The following FRAS1 variants were observed in gnomAD, a reference collection of about 807,000 sequenced individuals.
FRAS1 encodes Fraser extracellular matrix complex subunit 1.
Under a neutral mutation model 435.2 loss-of-function variants are expected in FRAS1, and 290 were observed. That is an observed-to-expected ratio of 0.67 (90% confidence interval 0.61 to 0.73). The LOEUF (loss-of-function observed/expected upper bound fraction) is 0.73. Among genes scored for constraint, FRAS1 ranks in the 30% least tolerant of loss-of-function variants. FRAS1 has a pLI of 0.00. For missense variants in FRAS1, 4,860 were observed against 5,001.5 expected, an observed-to-expected ratio of 0.97 and a Z score of 0.85; for synonymous variants, 1,800 against 1,851.0, an observed-to-expected ratio of 0.97 and a Z score of 0.71.
Position 78,295,202 on chromosome 4 carries a change from G to T in FRAS1, c.1534+8663G>T, listed in dbSNP as rs371988660. 1.6e-3 allele frequency among the ~76,000 whole-genome samples: 250 copies of T among 152,240 alleles called. 2 individuals are homozygous for T. Among genetic ancestry groups the T allele is most frequent in the African/African-American group, 5.8e-3 (240 of 41,548 alleles). On this transcript the variant is annotated intron_variant, in intron 14 of 73. Transcript: ENST00000512123. ...AATTTTTTTAATTATATGTAACCAT[G>T]ATGTAAACATTTTTAGTAGAAATTG...
chr4:78,193,682 G>T (rs1232263809), intron 2 of FRAS1, among the ~76,000 whole-genome samples: 1 of 152,104 alleles, frequency 6.6e-6, no homozygotes, highest in Non-Finnish European at 1.5e-5. Flanking sequence ...CGTGAGATGG[G>T]TTACCTGAAT....
chr4:78,289,495 C>A (rs774630079), intron 14 of FRAS1, among the ~76,000 whole-genome samples: 5 of 152,086 alleles, frequency 3.3e-5, no homozygotes, highest in Non-Finnish European at 4.4e-5. Flanking sequence ...GAACCTAAAC[C>A]GGAGACAGAT....
chr4:78,294,341 A>T (rs1342877522), intron 14 of FRAS1, among the ~76,000 whole-genome samples: 2 of 152,198 alleles, frequency 1.3e-5, no homozygotes, highest in Non-Finnish European at 2.9e-5. Context: ...CATTTAATTA[A>T]CAGGGGCCAC....
chr4:78,424,146 G>A (rs1038464340), intron 34 of FRAS1, among the ~76,000 whole-genome samples: 2 of 152,116 alleles, frequency 1.3e-5, no homozygotes, highest in East Asian at 1.9e-4. Flanking sequence ...TATAAATCAC[G>A]CTAACTGCTG....
At chr4:78,087,391 TC>T (rs1484097884) in intron 2 of FRAS1, among the ~76,000 whole-genome samples, 1 of 152,008 alleles carries the variant, frequency 6.6e-6, no homozygotes, top group Non-Finnish European at 1.5e-5. Context: ...CTCTCACCAC[TC>T]CTATTCAACA....
intron 2 of FRAS1, among the ~76,000 whole-genome samples, chr4:78,127,276 G>A (rs1376649235): frequency 6.6e-6 from 1 of 152,172 alleles, no homozygotes; most frequent in African/African-American, 2.4e-5. Flanking sequence ...GGTAAGACAT[G>A]AGCCTAAAAC....
At chr4:78,331,246 A>G (rs755168368) in intron 18 of FRAS1, among the ~76,000 whole-genome samples, 13 of 152,252 alleles carry the variant, frequency 8.5e-5, no homozygotes, top group Non-Finnish European at 1.6e-4. Flanking sequence ...AAAGCTCTGT[A>G]GTATATCCGG....
Position 78,057,881 on chromosome 4 carries a change from C to A in FRAS1, c.-129C>A, listed in dbSNP as rs953155102. On this transcript the variant is annotated 5_prime_UTR_variant, in exon 1 of 74. Coordinates refer to ENST00000512123, the MANE Select transcript of FRAS1 (RefSeq NM_025074.7). This position sits in a 1 kb window ranked among gnomAD's most constrained non-coding sequence, Gnocchi z 4.2. Reference sequence around the variant, plus strand: ...TCTCCGCCCGTCCATCTCTTTTTCCCGGAGGTAAAGGCCCGCGGTCCCCCA... The same window carrying A: ...TCTCCGCCCGTCCATCTCTTTTTCCAGGAGGTAAAGGCCCGCGGTCCCCCA... 1.8e-5 allele frequency: 14 copies of A among 761,162 alleles called. No homozygotes were observed. The highest frequency in any genetic ancestry group is 2.8e-5 in the Non-Finnish European group (13 of 456,958). 47.2% of individuals were successfully genotyped at this position (761,162 alleles called of 1,614,324 possible). A position where few individuals can be genotyped will look rare whatever the true frequency, so the allele number is the denominator to read the frequency against.
intron 47 of FRAS1, among the ~76,000 whole-genome samples, chr4:78,461,345 C>T (rs565663314): frequency 4.6e-5 from 7 of 152,136 alleles, no homozygotes; most frequent in African/African-American, 1.4e-4. Context: ...AAAAAGTGCT[C>T]CTAGCAGGCA....
Position 78,446,892 on chromosome 4 carries a change from A to T in FRAS1, c.6010+12A>T. On this transcript the variant is annotated intron_variant, in intron 43 of 73. Transcript: ENST00000512123. ...AAAGCCTGACCACGGTAGGGCACGAACTGCTATGAAAAGCTTCTTAATTGA... is the reference window on the plus strand; with the variant it reads ...AAAGCCTGACCACGGTAGGGCACGATCTGCTATGAAAAGCTTCTTAATTGA... 1 of 1,596,762 alleles carries T rather than the reference A, an allele frequency of 6.3e-7. No individual in the cohort carries two copies. The highest frequency in any genetic ancestry group is 8.5e-7 in the Non-Finnish European group (1 of 1,171,354).
intron 6 of FRAS1, among the ~76,000 whole-genome samples, chr4:78,261,874 T>C (rs974470131): frequency 3.9e-5 from 6 of 152,200 alleles, no homozygotes; most frequent in African/African-American, 1.4e-4. Context: ...CTTGTTAATC[T>C]GCCTCAGCTA....
At chr4:78,087,520 A>G (rs1005619871) in intron 2 of FRAS1, among the ~76,000 whole-genome samples, 19 of 152,210 alleles carry the variant, frequency 1.2e-4, no homozygotes, top group Non-Finnish European at 2.1e-4. Flanking sequence ...GTATCTGTAG[A>G]AAACCCCATG....
chr4:78,304,750 C>G (rs1728614432), intron 14 of FRAS1, among the ~76,000 whole-genome samples: 1 of 151,962 alleles, frequency 6.6e-6, no homozygotes, highest in Non-Finnish European at 1.5e-5. Context: ...TTTGATTCTT[C>G]TTTTTTTCTT....
intron 2 of FRAS1, among the ~76,000 whole-genome samples, chr4:78,185,538 A>AT (rs907934648): frequency 2.0e-5 from 3 of 152,062 alleles, no homozygotes; most frequent in South Asian, 2.1e-4. Flanking sequence ...GAATATGAGT[A>AT]TTTTTTTAAT....
chr4:78,263,491 T>A (rs143621224), intron 6 of FRAS1, among the ~76,000 whole-genome samples: 1 of 152,218 alleles, frequency 6.6e-6, no homozygotes, highest in African/African-American at 2.4e-5. Context: ...TTGCTTAAGA[T>A]AGATTGATGC....
At position 78,492,058 on chromosome 4, in the gene FRAS1, AAG is replaced by A. The variant is rs539547019; in HGVS notation, c.8958+2982_8958+2983del. Among the ~76,000 whole-genome samples the A allele has an allele frequency of 1.2e-4, 19 of 152,326 alleles. No individual in the cohort carries two copies. The South Asian group carries it at 3.9e-3, about 32-fold the overall frequency. ...TGAACTCCCATTCACAATTGCTACA[AAG>A]AGAATAAAATACCTAAGAATACAAC... On this transcript the variant is annotated intron_variant, in intron 59 of 73. Coordinates refer to ENST00000512123, the MANE Select transcript of FRAS1 (RefSeq NM_025074.7).
In FRAS1 at chr4:78,139,610, A is replaced by G. The variant is rs10008346; in HGVS notation, c.108+73594A>G. Among the ~76,000 whole-genome samples, 284 of 152,248 alleles carry G rather than the reference A, an allele frequency of 1.9e-3. 1 individual carries two copies. Among genetic ancestry groups the G allele is most frequent in the African/African-American group, 6.5e-3 (270 of 41,556 alleles). ...TATAGCCAGTACTCCACAGTGGGAT[A>G]CTTCATTAGTGGAAAAGAGTCTGGG... On this transcript the variant is annotated intron_variant, in intron 2 of 73. Transcript: ENST00000512123.
intron 14 of FRAS1, 68 bp from the exon 15 acceptor site, chr4:78,307,998 T>G: frequency 6.8e-7 from 1 of 1,473,588 alleles, no homozygotes; most frequent in Non-Finnish European, 9.1e-7. Flanking sequence ...TCTAAAATAT[T>G]TAAAAGAAAA....
intron 2 of FRAS1, among the ~76,000 whole-genome samples, chr4:78,151,150 G>A (rs1720642248): frequency 6.6e-6 from 1 of 152,106 alleles, no homozygotes; most frequent in Non-Finnish European, 1.5e-5. Flanking sequence ...GATATACCGT[G>A]CTCACAAACA....
Sources: allele counts gnomAD v4.1 joint callset (sites outside exome capture counted in the v4.1 genomes callset), GRCh38; gene constraint gnomAD v4.1.1; non-coding constraint Gnocchi (gnomAD v3.1); transcripts MANE v1.5; gene names NCBI Gene and HGNC (gene_info 2026-07-23, HGNC 2026-07-21).